The following LY86 variants were observed in gnomAD, a reference collection of about 807,000 sequenced individuals.
LY86 encodes lymphocyte antigen 86, also known as MD-1, RP105-associated.
A neutral mutation model predicts 17.3 loss-of-function variants in LY86; 20 were observed. The ratio of observed to expected loss-of-function variants is 1.15; its 90% CI spans 0.81 to 1.68. LY86 has a LOEUF of 1.68. Ranked by LOEUF, LY86 falls within the 40% of genes most tolerant of loss-of-function variation. LY86 has a pLI of 0.00. For missense variants in LY86, 200 were observed against 191.9 expected, an observed-to-expected ratio of 1.04 and a Z score of -0.25; for synonymous variants, 74 against 70.6, an observed-to-expected ratio of 1.05 and a Z score of -0.24.
chr6:6,617,501 A>G (rs1042989102), intron 1 of LY86, among the ~76,000 whole-genome samples: 23 of 152,338 alleles, frequency 1.5e-4, no homozygotes, highest in African/African-American at 5.5e-4. Context: ...TAAAGTTTGC[A>G]TGCATCTTTT....
At chr6:6,613,114 T>G (rs933689279) in intron 1 of LY86, among the ~76,000 whole-genome samples, 10 of 152,240 alleles carry the variant, frequency 6.6e-5, no homozygotes, top group Non-Finnish European at 1.0e-4. Flanking sequence ...TCACAAACCC[T>G]GAGCTAGACA....
intron 1 of LY86, among the ~76,000 whole-genome samples, chr6:6,618,436 T>TC (rs1291064030): frequency 6.6e-6 from 1 of 152,028 alleles, no homozygotes; most frequent in African/African-American, 2.4e-5. Context: ...TCAATTTTTT[T>TC]TTTTTTGCAA....
chr6:6,589,942 A>C (rs7746859), intron 1 of LY86, among the ~76,000 whole-genome samples: 110,696 of 151,586 alleles, frequency 0.73, 40,589 homozygotes, highest in Non-Finnish European at 0.77. Context: ...ACCAACATGG[A>C]AAAACCCTGT....
At chr6:6,595,897 G>A (rs1311150387) in intron 1 of LY86, among the ~76,000 whole-genome samples, 2 of 152,202 alleles carry the variant, frequency 1.3e-5, no homozygotes, top group African/African-American at 2.4e-5. Flanking sequence ...GTGGAGGGCT[G>A]TGGGTGGTCC....
In LY86 at chr6:6,599,443, T is replaced by A. The variant is rs1016252128; in HGVS notation, c.136+10573T>A. On this transcript the variant is annotated intron_variant, in intron 1 of 4. Transcript: ENST00000230568. The stretch of plus-strand genomic sequence containing the variant: ...TTTGGTCTTTTCAGTCAGTTCTTAG[T>A]GGCTAGGGATAAGAGGGAAGCATGC... 2.6e-5 allele frequency among the ~76,000 whole-genome samples: 4 copies of A among 152,280 alleles called. No individual in the cohort carries two copies. The South Asian group carries it at 8.3e-4, about 32-fold the overall frequency.
intron 3 of LY86, among the ~76,000 whole-genome samples, chr6:6,631,338 G>C (rs1156965821): frequency 6.6e-6 from 1 of 152,206 alleles, no homozygotes; most frequent in Non-Finnish European, 1.5e-5. Flanking sequence ...GGGTGGAACT[G>C]GGTTTCTGTC....
rs565295817 is a variant in LY86, at chr6:6,614,944, G to C, written c.137-9982G>C. On this transcript the variant is annotated intron_variant, in intron 1 of 4. Coordinates refer to ENST00000230568, the MANE Select transcript of LY86 (RefSeq NM_004271.4). ...AGGGAGAGGCCGGGAGCATCTCACC[G>C]GCTCATAAAGGGCTAAGCGGAGGCG... is the stretch of plus-strand genomic sequence containing the variant. Among the ~76,000 whole-genome samples the C allele has an allele frequency of 5.3e-5, 8 of 152,222 alleles. No homozygotes were observed. The South Asian group carries it at 1.0e-3, about 20-fold the overall frequency.
chr6:6,620,553 C>T (rs139854348), intron 1 of LY86, among the ~76,000 whole-genome samples: 130 of 152,302 alleles, frequency 8.5e-4, no homozygotes, highest in African/African-American at 2.6e-3. Context: ...GGAGTGTACC[C>T]GGGCCCCCAC....
At chr6:6,615,191 G>A (rs1434828585) in intron 1 of LY86, among the ~76,000 whole-genome samples, 2 of 152,326 alleles carry the variant, frequency 1.3e-5, no homozygotes, top group South Asian at 2.1e-4. Context: ...CACCTGGGGA[G>A]CATTTGAAAA....
intron 4 of LY86, among the ~76,000 whole-genome samples, chr6:6,650,830 C>A (rs188090245): frequency 6.6e-6 from 1 of 152,324 alleles, no homozygotes; most frequent in East Asian, 1.9e-4. Flanking sequence ...CTTCTATTAA[C>A]TGTGTGTTTG....
intron 1 of LY86, among the ~76,000 whole-genome samples, chr6:6,605,833 G>A (rs1023756889): frequency 1.3e-5 from 2 of 151,932 alleles, no homozygotes; most frequent in Non-Finnish European, 2.9e-5. Flanking sequence ...TGACTTTCCC[G>A]GTGAATGTTA....
chr6:6,588,820 C>T lies in LY86; in HGVS notation c.86C>T (p.Thr29Ile), dbSNP rs757048626. 3.7e-6 allele frequency: 6 copies of T among 1,614,184 alleles called. No homozygotes were observed. In the East Asian group the frequency reaches 1.3e-4, roughly 36 times the overall value. ...SGGGGGKAWP[T>I]HVVCSDSGLE... ...GGCGGCGGTGGGAAAGCCTGGCCCA[C>T]ACACGTGGTCTGTAGCGACAGCGGC... Residue 29 changes from threonine to isoleucine, a missense_variant, in exon 1 of 5, where the codon ACA (threonine) becomes ATA (isoleucine). Thr to Ile is a moderately conservative substitution (Grantham distance 89). Coordinates refer to ENST00000230568, the MANE Select transcript of LY86 (RefSeq NM_004271.4).
intron 1 of LY86, among the ~76,000 whole-genome samples, chr6:6,623,793 C>T (rs1761729391): frequency 6.6e-6 from 1 of 152,194 alleles, no homozygotes; most frequent in Admixed American, 6.5e-5. Context: ...CTCCTATCTC[C>T]AGTCCAGTGG....
At chr6:6,624,430 A>G (rs1281086097) in intron 1 of LY86, among the ~76,000 whole-genome samples, 2 of 134,680 alleles carry the variant, frequency 1.5e-5, no homozygotes, top group African/African-American at 6.5e-5. Flanking sequence ...ATGGGATAAA[A>G]TGGAATTAGA....
At chr6:6,647,817 C>T (rs867912039) in intron 3 of LY86, among the ~76,000 whole-genome samples, 11 of 152,270 alleles carry the variant, frequency 7.2e-5, no homozygotes, top group Middle Eastern at 6.8e-3. Flanking sequence ...GCATCTCATC[C>T]TGTCCCATGG....
chr6:6,612,349 C>G (rs775191572), intron 1 of LY86, among the ~76,000 whole-genome samples: 1 of 152,238 alleles, frequency 6.6e-6, no homozygotes, highest in Non-Finnish European at 1.5e-5. Flanking sequence ...AAGCATTACA[C>G]TTCTTAAGGT....
intron 1 of LY86, among the ~76,000 whole-genome samples, chr6:6,612,055 T>C (rs753035406): frequency 2.6e-5 from 4 of 152,036 alleles, no homozygotes; most frequent in African/African-American, 4.8e-5. Flanking sequence ...AAATTGAAGA[T>C]GTTAAAAAGC....
chr6:6,614,392 T>A (rs1000395802), intron 1 of LY86, among the ~76,000 whole-genome samples: 4 of 146,428 alleles, frequency 2.7e-5, no homozygotes, highest in African/African-American at 7.6e-5. Context: ...TTTTTTTTTT[T>A]ATTTGAGTGT....
Position 6,598,293 on chromosome 6 carries a change from ATT to A in LY86, c.136+9430_136+9431del, listed in dbSNP as rs554257142. Among the ~76,000 whole-genome samples the A allele has an allele frequency of 4.0e-3, 603 of 151,974 alleles. 1 individual carries two copies. The highest frequency in any genetic ancestry group is 0.02 in the Middle Eastern group (6 of 294). The stretch of plus-strand genomic sequence containing the variant: ...AAATTATCACAAAATTATTCAACTC[ATT>A]TTTTTTCTTAACCTCATTTCAAAAT... On this transcript the variant is annotated intron_variant, in intron 1 of 4. Transcript: ENST00000230568.
Sources: allele counts gnomAD v4.1 joint callset (sites outside exome capture counted in the v4.1 genomes callset), GRCh38; gene constraint gnomAD v4.1.1; transcripts MANE v1.5; gene names NCBI Gene and HGNC (gene_info 2026-07-23, HGNC 2026-07-21).